ZNF804A: variants seen among roughly 807,000 people sequenced by gnomAD.
ZNF804A encodes zinc finger protein 804A.
ZNF804A carries 2 observed loss-of-function variants against 16.5 expected under a neutral mutation model. The observed-to-expected ratio is 0.12, with a 90% CI of 0.05 to 0.38. The LOEUF (loss-of-function observed/expected upper bound fraction) is 0.38, where lower values mean the gene tolerates loss of function less well. Ranked by LOEUF, ZNF804A falls within the 10% of genes least tolerant of loss-of-function variation. The probability of loss-of-function intolerance (pLI) is 0.99; values close to 1 mark genes in which losing one functional copy is unlikely to be tolerated. For missense variants in ZNF804A, 1,473 were observed against 1,390.7 expected (o/e 1.06, Z -0.94); for synonymous variants, 534 against 489.6 (o/e 1.09, Z -1.20).
intron 1 of ZNF804A, among the ~76,000 whole-genome samples, chr2:184,745,392 T>G (rs1460999576): frequency 1.3e-5 from 2 of 151,760 alleles, no homozygotes; most frequent in Non-Finnish European, 3.0e-5. Context: ...GCTAATGTAT[T>G]CAGTATTAAA....
chr2:184,831,334 A>T (rs1695259405), intron 1 of ZNF804A, among the ~76,000 whole-genome samples: 1 of 151,930 alleles, frequency 6.6e-6, no homozygotes, highest in Non-Finnish European at 1.5e-5. Context: ...TTCAGTAAGT[A>T]TCACCTGCTC....
At chr2:184,679,685 G>A (rs1692505305) in intron 1 of ZNF804A, among the ~76,000 whole-genome samples, 1 of 152,196 alleles carries the variant, frequency 6.6e-6, no homozygotes. Context: ...ACTTGGGGCA[G>A]TGCTGACATG....
At chr2:184,605,545 C>T (rs1404797712) in intron 1 of ZNF804A, among the ~76,000 whole-genome samples, 1 of 152,002 alleles carries the variant, frequency 6.6e-6, no homozygotes, top group Non-Finnish European at 1.5e-5. Context: ...TTGTACTTAA[C>T]TTGTACAAAC....
In ZNF804A at chr2:184,936,545, C is replaced by G. The variant is rs1428087343; in HGVS notation, c.1149C>G (p.Asn383Lys). The G allele has an allele frequency of 1.2e-6, 2 of 1,613,914 alleles. No individual in the cohort carries two copies. The highest frequency in any genetic ancestry group is 1.7e-6 in the Non-Finnish European group (2 of 1,179,922). The change falls in exon 4 of 4, where the codon AAC becomes AAG. Residue 383 changes from asparagine (N) to lysine (K), a missense_variant. Transcript: ENST00000302277. ...CCACAGAGGAAAATGTTAAGCATAA[C>G]GAGGCATCCACAACTGAGGTTGAAA... ...QATTEENVKH[N>K]EASTTEVENK... is the part of the protein sequence containing the mutation.
chr2:184,878,599 T>C (rs978291284), intron 2 of ZNF804A, among the ~76,000 whole-genome samples: 2 of 152,052 alleles, frequency 1.3e-5, no homozygotes, highest in Non-Finnish European at 2.9e-5. Context: ...ACTTAGCAGT[T>C]ATCTCAAAAA....
At chr2:184,617,657 G>A (rs932889230) in intron 1 of ZNF804A, among the ~76,000 whole-genome samples, 43 of 151,336 alleles carry the variant, frequency 2.8e-4, no homozygotes, top group Admixed American at 1.3e-4. Context: ...TACTTATATT[G>A]TGATTATGAT....
chr2:184,666,899 C>T (rs1227555329), intron 1 of ZNF804A, among the ~76,000 whole-genome samples: 2 of 151,870 alleles, frequency 1.3e-5, no homozygotes, highest in Non-Finnish European at 2.9e-5. Context: ...GAAAACTGGC[C>T]ATTTAGAAAA....
intron 1 of ZNF804A, among the ~76,000 whole-genome samples, chr2:184,767,366 T>A (rs1347400747): frequency 6.6e-6 from 1 of 152,130 alleles, no homozygotes; most frequent in East Asian, 1.9e-4. Flanking sequence ...AAATACAGTA[T>A]GATTCCACTT....
chr2:184,807,446 G>A (rs1008214538), intron 1 of ZNF804A, among the ~76,000 whole-genome samples: 2 of 151,696 alleles, frequency 1.3e-5, no homozygotes, highest in Non-Finnish European at 3.0e-5. Flanking sequence ...TACACATAAA[G>A]ATTTTCTATA....
intron 1 of ZNF804A, among the ~76,000 whole-genome samples, chr2:184,832,388 T>TTCATGAA: frequency 6.6e-6 from 1 of 152,064 alleles, no homozygotes; most frequent in African/African-American, 2.4e-5. Flanking sequence ...TTTTAAATGC[T>TTCATGAA]TATTCTTCAT....
At chr2:184,691,668 C>G (rs1044841494) in intron 1 of ZNF804A, among the ~76,000 whole-genome samples, 2 of 151,548 alleles carry the variant, frequency 1.3e-5, no homozygotes, top group African/African-American at 4.8e-5. Context: ...CCTGATGATG[C>G]AATTTAGAAT....
intron 2 of ZNF804A, among the ~76,000 whole-genome samples, chr2:184,925,809 G>A (rs903724116): frequency 2.6e-5 from 4 of 151,838 alleles, no homozygotes; most frequent in South Asian, 4.1e-4. Context: ...ACAAACAAAC[G>A]TGAGCAAACA....
intron 1 of ZNF804A, among the ~76,000 whole-genome samples, chr2:184,819,207 TAA>T (rs59552741): frequency 1.3e-5 from 2 of 150,550 alleles, no homozygotes; most frequent in African/African-American, 4.9e-5. Flanking sequence ...GAAAGGAAAT[TAA>T]AAAAAAAGTC....
rs574341006 is a variant in ZNF804A at position 184,653,274 on chromosome 2, G to A, written c.111+54204G>A. On this transcript the variant is annotated intron_variant, in intron 1 of 3. Transcript: ENST00000302277. ...TAAAAACTTAAATATTTATATATAC[G>A]AATTTCCTCAAAACTTAAATGTCTA... Among the ~76,000 whole-genome samples, 14 of 152,118 alleles carry A rather than the reference G, an allele frequency of 9.2e-5. No homozygotes were observed. In the East Asian group the frequency reaches 1.7e-3, roughly 19 times the overall value.
chr2:184,897,146 G>T (rs1685081922), intron 2 of ZNF804A, among the ~76,000 whole-genome samples: 1 of 152,060 alleles, frequency 6.6e-6, no homozygotes, highest in Non-Finnish European at 1.5e-5. Flanking sequence ...ACTGGGATTT[G>T]CTTAATGATT....
chr2:184,602,890 A>T (rs1691071983), intron 1 of ZNF804A, among the ~76,000 whole-genome samples: 2 of 152,094 alleles, frequency 1.3e-5, no homozygotes, highest in South Asian at 4.1e-4. Context: ...AGGGATCATT[A>T]TGATAATATG....
At chr2:184,758,487 A>G (rs1693992376) in intron 1 of ZNF804A, among the ~76,000 whole-genome samples, 1 of 151,988 alleles carries the variant, frequency 6.6e-6, no homozygotes, top group Non-Finnish European at 1.5e-5. Flanking sequence ...AGACTAAGGC[A>G]TAGTTCCCAA....
At chr2:184,680,043 C>G (rs1461390563) in intron 1 of ZNF804A, among the ~76,000 whole-genome samples, 41 of 152,204 alleles carry the variant, frequency 2.7e-4, no homozygotes. Flanking sequence ...CTCTGAAGCC[C>G]ATAAAAGCTC....
intron 1 of ZNF804A, among the ~76,000 whole-genome samples, chr2:184,831,339 C>T (rs1695259474): frequency 6.6e-6 from 1 of 151,762 alleles, no homozygotes. Context: ...TAAGTATCAC[C>T]TGCTCATGTG....
Sources: allele counts gnomAD v4.1 joint callset (sites outside exome capture counted in the v4.1 genomes callset), GRCh38; gene constraint gnomAD v4.1.1; transcripts MANE v1.5; gene names NCBI Gene and HGNC (gene_info 2026-07-23, HGNC 2026-07-21).